The following TRNAU1AP variants were observed in gnomAD, a reference collection of about 807,000 sequenced individuals.
TRNAU1AP encodes tRNA selenocysteine 1-associated protein 1.
Under a neutral mutation model 43.3 loss-of-function variants are expected in TRNAU1AP, and 33 were observed. That is an observed-to-expected ratio of 0.76 (90% confidence interval 0.58 to 1.02). TRNAU1AP has a LOEUF of 1.02. Among genes scored for constraint, TRNAU1AP ranks in the 50% least tolerant of loss-of-function variants. The pLI is 0.00. For missense variants in TRNAU1AP, 290 were observed against 362.7 expected, an observed-to-expected ratio of 0.80 and a Z score of 1.63; for synonymous variants, 143 against 129.1, an observed-to-expected ratio of 1.11 and a Z score of -0.73.
In TRNAU1AP at chr1:28,564,760, G is replaced by T. The variant is rs746726828; in HGVS notation, c.336G>T (p.Leu112=). The change falls in exon 5 of 9, where the codon CTG becomes CTT. Residue 112 remains leucine (L), a synonymous_variant. Coordinates refer to ENST00000373830, the MANE Select transcript of TRNAU1AP (RefSeq NM_017846.5). ...CCCCGGACGTGGATGATGGCATGCT[G>T]TATGAATTCTTCGTCAAAGTCTACC... is the stretch of plus-strand genomic sequence containing the variant. The part of the protein sequence containing the change: ...DLTPDVDDGM[L]YEFFVKVYPS... The T allele has an allele frequency of 6.2e-7, 1 of 1,614,198 alleles. No homozygotes were observed. The highest frequency in any genetic ancestry group is 1.1e-5 in the South Asian group (1 of 91,082).
chr1:28,557,698 C>T (rs1665299346), intron 2 of TRNAU1AP, among the ~76,000 whole-genome samples: 1 of 151,772 alleles, frequency 6.6e-6, no homozygotes, highest in South Asian at 2.1e-4. Flanking sequence ...AAGCCATTCT[C>T]CTGCCTCAGC....
In TRNAU1AP at chr1:28,556,585, C is replaced by T. The variant is rs1343069020; in HGVS notation, c.125+2848C>T. ...GAAGTGCAATGGCACCATCTTGGCT[C>T]ACTGCAACCTCCGCCTCCTGGGTTT... is the stretch of plus-strand genomic sequence containing the variant. On this transcript the variant is annotated intron_variant, in intron 2 of 8. Coordinates refer to ENST00000373830, the MANE Select transcript of TRNAU1AP (RefSeq NM_017846.5). Among the ~76,000 whole-genome samples, 3 of 150,456 alleles carry T rather than the reference C, an allele frequency of 2.0e-5. No individual in the cohort carries two copies. The East Asian group carries it at 6.0e-4, about 30-fold the overall frequency.
chr1:28,553,404 G>T (rs1322117453), intron 1 of TRNAU1AP: 3 of 622,778 alleles, frequency 4.8e-6, no homozygotes, highest in African/African-American at 3.7e-5. Flanking sequence ...AAGGACTGAG[G>T]CGCGCTGTTC....
intron 4 of TRNAU1AP, among the ~76,000 whole-genome samples, chr1:28,562,038 G>A (rs889474169): frequency 6.6e-6 from 1 of 152,068 alleles, no homozygotes; most frequent in Non-Finnish European, 1.5e-5. Context: ...AGCCATGATC[G>A]TGCCACTGCA....
chr1:28,571,268 G>T lies in TRNAU1AP; in HGVS notation c.623G>T (p.Gly208Val). 6.2e-7 allele frequency: 1 copy of T among 1,614,026 alleles called. No homozygotes were observed. The highest frequency in any genetic ancestry group is 8.5e-7 in the Non-Finnish European group (1 of 1,179,944). ...TACCAGAACTACTATGCTCAGTGGGGCTATGACCAGAACACAGGCAGCTAC... is the reference window on the plus strand; with the variant it reads ...TACCAGAACTACTATGCTCAGTGGGTCTATGACCAGAACACAGGCAGCTAC... ...QQYQNYYAQW[G>V]YDQNTGSYSY... The change falls in exon 7 of 9, where the codon GGC (glycine) becomes GTC (valine). Residue 208 changes from glycine to valine, a missense_variant. Physicochemically the swap from Gly to Val is moderately radical, Grantham distance 109. Around this residue, in one of 3 missense-constraint regions of TRNAU1AP, gnomAD observed 174 missense variants for 262.1 expected, o/e 0.66. Coordinates refer to ENST00000373830, the MANE Select transcript of TRNAU1AP (RefSeq NM_017846.5).
chr1:28,561,240 G>A, intron 3 of TRNAU1AP, 106 bp from the exon 4 acceptor site: 1 of 1,531,384 alleles, frequency 6.5e-7, no homozygotes, highest in African/African-American at 1.4e-5. Context: ...GGCTTAGAGA[G>A]GGGGAGATGT....
rs554067357 is a variant in TRNAU1AP at position 28,575,142 on chromosome 1, A to G, written c.728-2358A>G. Among the ~76,000 whole-genome samples, 15 of 152,036 alleles carry G rather than the reference A, an allele frequency of 9.9e-5. No homozygotes were observed. The South Asian group carries it at 2.5e-3, about 25-fold the overall frequency. ...GTAGATAAGTCCTTAGAATTTTCCA[A>G]TCTCTTTTTAATCCTTTTTTTGTTT... On this transcript the variant is annotated intron_variant, in intron 8 of 8. Transcript: ENST00000373830.
rs528235217 is a variant in TRNAU1AP at position 28,565,528 on chromosome 1, C to G, written c.410+694C>G. The G allele has an allele frequency of 2.6e-5, 4 of 151,692 alleles. No homozygotes were observed. The South Asian group carries it at 6.3e-4, about 24-fold the overall frequency. 9.4% of individuals were successfully genotyped at this position (151,692 alleles called of 1,614,324 possible). On this transcript the variant is annotated intron_variant, in intron 5 of 8. Coordinates refer to ENST00000373830, the MANE Select transcript of TRNAU1AP (RefSeq NM_017846.5). Reference sequence around the variant, plus strand: ...GTTGGCCCGGCATGGTGGCTCACACCTGTAATCCCAGCACTTTGGGAAGCT... The same window carrying G: ...GTTGGCCCGGCATGGTGGCTCACACGTGTAATCCCAGCACTTTGGGAAGCT...
chr1:28,565,062 A>G (rs1355322786), intron 5 of TRNAU1AP: 3 of 543,478 alleles, frequency 5.5e-6, no homozygotes, highest in East Asian at 6.6e-5. Flanking sequence ...GAGCTGATTA[A>G]TAATAGCTGC....
chr1:28,577,676 G>C lies in TRNAU1AP; in HGVS notation c.*40G>C. ...AAGCCAGGTTGCATGATGTGAGGGA[G>C]ATGAGAGACTCCTTTTTAAAAATTG... On this transcript the variant is annotated 3_prime_UTR_variant, in exon 9 of 9. Transcript: ENST00000373830. The C allele has an allele frequency of 6.4e-7, 1 of 1,556,202 alleles. No individual in the cohort carries two copies. Among genetic ancestry groups the C allele is most frequent in the South Asian group, 1.2e-5 (1 of 84,206 alleles).
chr1:28,560,396 T>C (rs1665379306), intron 2 of TRNAU1AP, among the ~76,000 whole-genome samples: 1 of 150,136 alleles, frequency 6.7e-6, no homozygotes, highest in African/African-American at 2.5e-5. Context: ...ATTCTCCCCC[T>C]CAGTCTCCCG....
intron 4 of TRNAU1AP, 83 bp downstream of exon 4, chr1:28,561,481 G>T: frequency 6.6e-7 from 1 of 1,519,548 alleles, no homozygotes; most frequent in Non-Finnish European, 9.1e-7. Context: ...GAGCCGGTTT[G>T]GCTGCACTTG....
intron 5 of TRNAU1AP, 104 bp from the exon 6 acceptor site, chr1:28,567,189 CT>C: frequency 7.8e-7 from 1 of 1,283,502 alleles, no homozygotes; most frequent in Non-Finnish European, 1.1e-6. Context: ...GCCTCTTTTC[CT>C]TTCTACATTC....
At position 28,553,224 on chromosome 1, in the gene TRNAU1AP, G is replaced by C. The variant is rs1336742517; in HGVS notation, c.27+87G>C. On this transcript the variant is annotated intron_variant, in intron 1 of 8. Transcript: ENST00000373830. ...GAAGGATCTGAGTGGGAGGGGACTT[G>C]GGATCCCAGAAAGGGGAGACGTGTG... 5 of 1,359,330 alleles carry C rather than the reference G, an allele frequency of 3.7e-6. No homozygotes were observed. The African/African-American group carries it at 6.0e-5, about 16-fold the overall frequency. 84.2% of individuals were successfully genotyped at this position (1,359,330 alleles called of 1,614,324 possible). A position where few individuals can be genotyped will look rare whatever the true frequency, so the allele number is the denominator to read the frequency against.
At chr1:28,575,299 T>TG (rs998724700) in intron 8 of TRNAU1AP, among the ~76,000 whole-genome samples, 10 of 151,792 alleles carry the variant, frequency 6.6e-5, no homozygotes, top group Non-Finnish European at 1.3e-4. Context: ...GGACTACAGA[T>TG]GCGCGCCACC....
chr1:28,566,329 AAAG>A (rs1427612329), intron 5 of TRNAU1AP, among the ~76,000 whole-genome samples: 5,787 of 150,278 alleles, frequency 0.039, 153 homozygotes, highest in East Asian at 0.1. Context: ...AAAAAAAAAA[AAAG>A]AAGAGCCGGG....
rs372760001 is a variant in TRNAU1AP at position 28,564,846 on chromosome 1, C to T, written c.410+12C>T. ...ACAGGCGTGTCTAAGTAAGGCCTTA[C>T]TTGTTACTGATGCTTAACTGTGTTA... On this transcript the variant is annotated intron_variant, in intron 5 of 8. Transcript: ENST00000373830. The T allele has an allele frequency of 6.2e-7, 1 of 1,613,904 alleles. No homozygotes were observed. Among genetic ancestry groups the T allele is most frequent in the African/African-American group, 1.3e-5 (1 of 75,022 alleles).
chr1:28,559,944 CAACATGGCA>C (rs1196824756), intron 2 of TRNAU1AP, among the ~76,000 whole-genome samples: 1 of 151,972 alleles, frequency 6.6e-6, no homozygotes, highest in Non-Finnish European at 1.5e-5. Flanking sequence ...TCAGCCTGGC[CAACATGGCA>C]AAATCCCATC....
intron 5 of TRNAU1AP, among the ~76,000 whole-genome samples, chr1:28,566,285 A>G (rs1304447553): frequency 6.7e-6 from 1 of 149,082 alleles, no homozygotes; most frequent in Non-Finnish European, 1.5e-5. Flanking sequence ...AGTGCATTCC[A>G]GCCTGGGAGA....
Sources: gnomAD v4.1 joint callset for allele counts (sites outside exome capture counted in the v4.1 genomes callset) on GRCh38, gnomAD v4.1.1 for gene constraint, gnomAD v4.1.1 regional missense constraint, MANE v1.5 for transcripts, NCBI Gene and HGNC (gene_info 2026-07-23, HGNC 2026-07-21) for gene names.